Variants in DLL1 observed in about 807,000 individuals in gnomAD.
The protein encoded by DLL1 is delta-like protein 1.
Under a neutral mutation model 75.1 loss-of-function variants are expected in DLL1, and 9 were observed. The observed-to-expected ratio is 0.12, with a 90% CI of 0.07 to 0.21. The LOEUF (loss-of-function observed/expected upper bound fraction) is 0.21, where lower values mean the gene tolerates loss of function less well. DLL1 is among the 10% of genes least tolerant of loss of function. DLL1 has a pLI of 1.00. For synonymous variants in DLL1, 477 were observed against 418.3 expected (o/e 1.14, Z -1.71); for missense variants, 837 against 1,007.6 (o/e 0.83, Z 2.29).
Position 170,282,815 on chromosome 6 carries a change from T to C in DLL1, c.*59A>G. On this transcript the variant is annotated 3_prime_UTR_variant, in exon 11 of 11. Coordinates refer to ENST00000366756, the MANE Select transcript of DLL1 (RefSeq NM_005618.4). ...CTTCAGCAGCATTCGTTGGGGCATA[T>C]ATCCTTGGAATTTTACTTATTTTAA... 1 of 1,613,058 alleles carries C rather than the reference T, an allele frequency of 6.2e-7. No homozygotes were observed. Among genetic ancestry groups the C allele is most frequent in the Non-Finnish European group, 8.5e-7 (1 of 1,179,798 alleles).
Position 170,290,706 on chromosome 6 carries a change from A to T in DLL1, c.-567T>A, listed in dbSNP as rs1783843107. ...CCCCTGCGGATCGCGGCCCGGTGTC[A>T]CTCGGCGGCGGCGGTCGTTCCGGGA... On this transcript the variant is annotated 5_prime_UTR_variant, in exon 1 of 11. An upstream open reading frame in the 5' UTR loses its in-frame stop. Transcript: ENST00000366756. This position sits in a 1 kb window ranked among gnomAD's most constrained non-coding sequence, Gnocchi z 4.7. 3.0e-6 allele frequency: 1 copy of T among 333,484 alleles called. No individual in the cohort carries two copies. Among genetic ancestry groups the T allele is most frequent in the Non-Finnish European group, 5.5e-6 (1 of 181,816 alleles). 20.7% of individuals were successfully genotyped at this position (333,484 alleles called of 1,614,324 possible).
chr6:170,283,206 C>T, intron 9 of DLL1, 25 bp downstream of exon 9: 1 of 1,613,136 alleles, frequency 6.2e-7, no homozygotes, highest in Non-Finnish European at 8.5e-7. Context: ...GTACCCCCTC[C>T]TGATGCCCGG....
chr6:170,284,239 C>T (rs953637195), intron 8 of DLL1, among the ~76,000 whole-genome samples: 3 of 152,186 alleles, frequency 2.0e-5, no homozygotes, highest in East Asian at 1.9e-4. Context: ...AGAAACCACA[C>T]GGCCAGCATC....
At chr6:170,284,652 G>A (rs868089926) in intron 8 of DLL1, among the ~76,000 whole-genome samples, 6 of 152,188 alleles carry the variant, frequency 3.9e-5, no homozygotes, top group African/African-American at 1.4e-4. Flanking sequence ...TCAGGCGGCC[G>A]CAGGTGCCCG....
At position 170,283,978 on chromosome 6, in the gene DLL1, C is replaced by T. The variant is rs1284436282; in HGVS notation, c.1301G>A (p.Gly434Asp). The stretch of plus-strand genomic sequence containing the variant: ...GTCGTCACAGTGCCTCCCCGAGAAG[C>T]CGGCCTGGCAGCGGCACAGGTAGGC... ...GDAYLCRCQA[G>D]FSGRHCDDNV... is the part of the protein sequence containing the mutation. The change falls in exon 9 of 11, where the codon GGC (glycine) becomes GAC (aspartate). Residue 434 changes from glycine (G) to aspartate (D), a missense_variant. Around this residue, in one of 2 missense-constraint regions of DLL1, gnomAD observed 533 missense variants for 545.7 expected, o/e 0.98. Coordinates refer to ENST00000366756, the MANE Select transcript of DLL1 (RefSeq NM_005618.4). The T allele has an allele frequency of 3.2e-6, 5 of 1,585,988 alleles. No homozygotes were observed. Among genetic ancestry groups the T allele is most frequent in the African/African-American group, 2.7e-5 (2 of 74,376 alleles).
At chr6:170,287,105 G>C (rs906236318) in intron 4 of DLL1, among the ~76,000 whole-genome samples, 4 of 152,214 alleles carry the variant, frequency 2.6e-5, no homozygotes, top group African/African-American at 9.6e-5. Flanking sequence ...TTAACAAGCA[G>C]CTCCACAAGT....
chr6:170,288,271 T>A lies in DLL1; in HGVS notation c.638A>T (p.Asn213Ile). The A allele has an allele frequency of 6.2e-7, 1 of 1,613,926 alleles. No individual in the cohort carries two copies. Among genetic ancestry groups the A allele is most frequent in the Non-Finnish European group, 8.5e-7 (1 of 1,180,036 alleles). ...GCAGTAGGGCCCTTTCCAGCCAGGG[T>A]TGCACACTTTCTCCCCACGCTCCCC... is the stretch of plus-strand genomic sequence containing the variant. ...TCGERGEKVC[N>I]PGWKGPYCTE... The change falls in exon 4 of 11, where the codon AAC becomes ATC. Residue 213 changes from asparagine to isoleucine, a missense_variant. Asn to Ile is a moderately radical substitution (Grantham distance 149). Transcript: ENST00000366756.
At position 170,285,573 on chromosome 6, in the gene DLL1, G is replaced by A. The variant is rs532100501; in HGVS notation, c.858C>T (p.Asn286=). 1.1e-5 allele frequency: 18 copies of A among 1,614,110 alleles called. No homozygotes were observed. The South Asian group carries it at 1.9e-4, about 17-fold the overall frequency. ...CQEGWGGLFC[N]QDLNYCTHHK... ...CCTCAGGGAGAGAAGGCTTACCCTG[G>A]TTGCAGAAAAGGCCCCCCCAGCCTT... The change falls in exon 6 of 11, where the codon AAC becomes AAT. Residue 286 remains asparagine, a synonymous_variant. Transcript: ENST00000366756.
Position 170,286,286 on chromosome 6 carries a change from G to T in DLL1, c.683C>A (p.Pro228His). The stretch of plus-strand genomic sequence containing the variant: ...AAATCCATGCTGCTCATCACATCCA[G>T]GCAGGCAGATCGCTACAAGCAAAGG... Reference protein sequence around the residue: ...GPYCTEPICLPGCDEQHGFCD... With the variant: ...GPYCTEPICLHGCDEQHGFCD... The change falls in exon 5 of 11, where the codon CCT becomes CAT. Residue 228 changes from proline to histidine, a missense_variant. Physicochemically the swap from Pro to His is moderately conservative, Grantham distance 77 (BLOSUM62 -2). This residue lies in a region of DLL1 where 304 missense variants were observed against 461.9 expected (regional missense o/e 0.66). Coordinates refer to ENST00000366756, the MANE Select transcript of DLL1 (RefSeq NM_005618.4). The T allele has an allele frequency of 6.2e-7, 1 of 1,614,180 alleles. No individual in the cohort carries two copies. The highest frequency in any genetic ancestry group is 8.5e-7 in the Non-Finnish European group (1 of 1,180,038).
rs548980520 is a variant in DLL1, at chr6:170,290,257, G to C, written c.-118C>G. On this transcript the variant is annotated 5_prime_UTR_variant, in exon 1 of 11. Transcript: ENST00000366756. The surrounding 1 kb of genome is among the most constrained non-coding windows in gnomAD (Gnocchi z 4.7). ...GTGGGCAGAAAAGCGCCCTTGCCTC[G>C]CCCCAGACCGCAGGACCCAGGACTT... 6 of 1,198,738 alleles carry C rather than the reference G, an allele frequency of 5.0e-6. No individual in the cohort carries two copies. Among genetic ancestry groups the C allele is most frequent in the African/African-American group, 3.1e-5 (2 of 63,914 alleles). 74.3% of individuals were successfully genotyped at this position (1,198,738 alleles called of 1,614,324 possible). A position where few individuals can be genotyped will look rare whatever the true frequency, so the allele number is the denominator to read the frequency against.
At chr6:170,288,582 C>A (rs978921012) in intron 3 of DLL1, 86 bp from the exon 4 acceptor site, 3 of 1,612,434 alleles carry the variant, frequency 1.9e-6, no homozygotes, top group Non-Finnish European at 2.5e-6. Flanking sequence ...ACATTCAGCA[C>A]GGGAAGGAGG....
rs568795091 is a variant in DLL1 at position 170,289,512 on chromosome 6, C to A, written c.351G>T (p.Pro117=). 53 of 1,534,042 alleles carry A rather than the reference C, an allele frequency of 3.5e-5. No homozygotes were observed. The highest frequency in any genetic ancestry group is 5.5e-5 in the African/African-American group (4 of 72,792). The change falls in exon 2 of 11, where the codon CCG becomes CCT. Residue 117 remains proline, a splice_region_variant and synonymous_variant. Coordinates refer to ENST00000366756, the MANE Select transcript of DLL1 (RefSeq NM_005618.4). ...CGGCGCGCGCAGGTGCGGCACTCAC[C>A]GGCCAGGTGAAGCCGAAGGGGAAGC... ...PIRFPFGFTW[P]GTFSLIIEAL... is the part of the protein sequence containing the mutation.
Position 170,288,125 on chromosome 6 carries a change from C to T in DLL1, c.670+114G>A, listed in dbSNP as rs563672263. ...ACTTCTGTCCTCTGGGCCTCAGTTT[C>T]CCCACCAGAACATCTCTACAGTCCC... On this transcript the variant is annotated intron_variant, in intron 4 of 10. Transcript: ENST00000366756. The T allele has an allele frequency of 1.8e-4, 270 of 1,515,108 alleles. 5 individuals carry two copies. The South Asian group carries it at 2.9e-3, about 16-fold the overall frequency. 93.9% of individuals were successfully genotyped at this position (1,515,108 alleles called of 1,614,324 possible).
chr6:170,287,768 C>T (rs912597110), intron 4 of DLL1, among the ~76,000 whole-genome samples: 2 of 152,150 alleles, frequency 1.3e-5, no homozygotes, highest in South Asian at 2.1e-4. Context: ...TCCGGAAAGG[C>T]GTTTGCTCCA....
Position 170,288,369 on chromosome 6 carries a change from G to A in DLL1, c.540C>T (p.Asp180=), listed in dbSNP as rs1259019949. The change falls in exon 4 of 11, where the codon GAC becomes GAT. Residue 180 remains aspartate, a synonymous_variant. Coordinates refer to ENST00000366756, the MANE Select transcript of DLL1 (RefSeq NM_005618.4). ...AGCAGCCCTCTCCGTAGTAGTGTTC[G>A]TCACACACGAAGCGGTAGGAGTACT... ...DLKYSYRFVC[D]EHYYGEGCSV... The A allele has an allele frequency of 1.9e-6, 3 of 1,614,088 alleles. No individual in the cohort carries two copies. Among genetic ancestry groups the A allele is most frequent in the Middle Eastern group, 1.6e-4 (1 of 6,062 alleles).
rs1783613043 is a variant in DLL1, at chr6:170,283,389, A to G, written c.1890T>C (p.Asn630=). 1 of 1,611,508 alleles carries G rather than the reference A, an allele frequency of 6.2e-7. No individual in the cohort carries two copies. The highest frequency in any genetic ancestry group is 8.5e-7 in the Non-Finnish European group (1 of 1,180,018). The change falls in exon 9 of 11, where the codon AAT becomes AAC. Residue 630 remains asparagine, a synonymous_variant. Coordinates refer to ENST00000366756, the MANE Select transcript of DLL1 (RefSeq NM_005618.4). ...CCGCTGGGTAGCGGGCCTTGAAGCC[A>G]TTCTTGTCGGCGCTGTGGTCCCCGT... ...DFHGDHSADK[N]GFKARYPAVD... is the part of the protein sequence containing the mutation.
Position 170,286,830 on chromosome 6 carries a change from C to A in DLL1, c.671-532G>T, listed in dbSNP as rs892500669. Among the ~76,000 whole-genome samples, 3 of 152,110 alleles carry A rather than the reference C, an allele frequency of 2.0e-5. No individual in the cohort carries two copies. The East Asian group carries it at 5.8e-4, about 29-fold the overall frequency. ...ACACACACACACACACACACACGCA[C>A]ACGCACCCCTTCCGCCAATGGGAGC... is the stretch of plus-strand genomic sequence containing the variant. On this transcript the variant is annotated intron_variant, in intron 4 of 10. Transcript: ENST00000366756.
Position 170,286,225 on chromosome 6 carries a change from T to C in DLL1, c.731+13A>G, listed in dbSNP as rs768798991. On this transcript the variant is annotated intron_variant, in intron 5 of 10. Coordinates refer to ENST00000366756, the MANE Select transcript of DLL1 (RefSeq NM_005618.4). ...AAGGCAACAAAACAAAACACCACCT[T>C]GTGCAGACTTACTTGCATTCCCCTG... 2 of 1,614,200 alleles carry C rather than the reference T, an allele frequency of 1.2e-6. No individual in the cohort carries two copies. The highest frequency in any genetic ancestry group is 3.3e-5 in the Admixed American group (2 of 60,024).
Position 170,283,511 on chromosome 6 carries a change from T to C in DLL1, c.1768A>G (p.Met590Val), listed in dbSNP as rs1360586715. The change falls in exon 9 of 11, where the codon ATG becomes GTG. Residue 590 changes from methionine to valine, a missense_variant. Coordinates refer to ENST00000366756, the MANE Select transcript of DLL1 (RefSeq NM_005618.4). ...CGCTGGCAGTTGGCCAGGTTGTTCA[T>C]GGTCTCCGTCTCCCCCCGGCAGGGG... is the stretch of plus-strand genomic sequence containing the variant. ...ADPCRGETET[M>V]NNLANCQREK... 1.2e-6 allele frequency: 2 copies of C among 1,613,744 alleles called. No individual in the cohort carries two copies. The highest frequency in any genetic ancestry group is 1.7e-6 in the Non-Finnish European group (2 of 1,180,020).
Sources: allele counts gnomAD v4.1 joint callset (sites outside exome capture counted in the v4.1 genomes callset), GRCh38; gene constraint gnomAD v4.1.1; regional missense constraint gnomAD v4.1.1; non-coding constraint Gnocchi (gnomAD v3.1); transcripts MANE v1.5; gene names NCBI Gene and HGNC (gene_info 2026-07-23, HGNC 2026-07-21).